PBX3: variants seen among roughly 807,000 people sequenced by gnomAD.
The protein encoded by PBX3 is pre-B-cell leukemia transcription factor 3.
Under a neutral mutation model 48.5 loss-of-function variants are expected in PBX3, and 14 were observed. That is an observed-to-expected ratio of 0.29 (90% CI 0.19 to 0.45). The LOEUF is 0.45. Ranked by LOEUF, PBX3 falls within the 20% of genes least tolerant of loss-of-function variation. The pLI, the probability that PBX3 is intolerant of heterozygous loss-of-function variation, is 1.00. For synonymous variants in PBX3, 210 were observed against 200.3 expected (o/e 1.05, Z -0.41); for missense variants, 386 against 546.7 (o/e 0.71, Z 2.93).
At chr9:125,866,346 A>G (rs558251625) in intron 2 of PBX3, among the ~76,000 whole-genome samples, 3 of 152,254 alleles carry the variant, frequency 2.0e-5, no homozygotes, top group Non-Finnish European at 4.4e-5. Context: ...TAGTTATTTT[A>G]TACTTTTATG....
intron 2 of PBX3, among the ~76,000 whole-genome samples, chr9:125,839,244 C>A (rs1164319675): frequency 1.3e-5 from 2 of 152,164 alleles, no homozygotes; most frequent in Admixed American, 6.5e-5. Flanking sequence ...AGAAGATACT[C>A]AATAGATATG....
chr9:125,798,624 G>T (rs557669581), intron 2 of PBX3, among the ~76,000 whole-genome samples: 1 of 152,238 alleles, frequency 6.6e-6, no homozygotes, highest in South Asian at 2.1e-4. Context: ...GTGGGTGATA[G>T]AGGTAATTAA....
At chr9:125,924,295 G>A (rs1564175431) in intron 3 of PBX3, among the ~76,000 whole-genome samples, 1 of 152,182 alleles carries the variant, frequency 6.6e-6, no homozygotes, top group Non-Finnish European at 1.5e-5. Flanking sequence ...AACTCACTAT[G>A]GGCTTGACAG....
chr9:125,913,284 A>C (rs889547404), intron 2 of PBX3, among the ~76,000 whole-genome samples: 1 of 152,142 alleles, frequency 6.6e-6, no homozygotes, highest in East Asian at 1.9e-4. Context: ...GCATTAAAAC[A>C]TATTTTCCTG....
chr9:125,786,559 G>C (rs1035795701), intron 2 of PBX3, among the ~76,000 whole-genome samples: 2 of 152,156 alleles, frequency 1.3e-5, no homozygotes, highest in Non-Finnish European at 1.5e-5. Flanking sequence ...GTTGTGGGAG[G>C]ACCTGTGGAG....
intron 2 of PBX3, among the ~76,000 whole-genome samples, chr9:125,797,240 T>G (rs1328949824): frequency 1.3e-5 from 2 of 152,152 alleles, no homozygotes; most frequent in African/African-American, 2.4e-5. Flanking sequence ...ATATTTAGAA[T>G]GAAAAGTATT....
At chr9:125,812,397 T>G (rs10986941) in intron 2 of PBX3, among the ~76,000 whole-genome samples, 9,092 of 152,276 alleles carry the variant, frequency 0.06, 627 homozygotes, top group East Asian at 0.17. Context: ...TTTTTAACAG[T>G]CGTTAGATAT....
chr9:125,933,072 AAAT>A (rs1389155538), intron 4 of PBX3, among the ~76,000 whole-genome samples: 1 of 152,252 alleles, frequency 6.6e-6, no homozygotes, highest in Non-Finnish European at 1.5e-5. Context: ...TCTAAAAAAT[AAAT>A]AACGTATAAG....
chr9:125,855,116 T>C (rs1287786398), intron 2 of PBX3, among the ~76,000 whole-genome samples: 1 of 152,222 alleles, frequency 6.6e-6, no homozygotes, highest in African/African-American at 2.4e-5. Flanking sequence ...CAATGGTTGA[T>C]TCACTTCAGC....
intron 2 of PBX3, among the ~76,000 whole-genome samples, chr9:125,855,989 C>T (rs1839710425): frequency 6.6e-6 from 1 of 151,692 alleles, no homozygotes; most frequent in South Asian, 2.1e-4. Context: ...AAAAAATTTA[C>T]AACATAATAT....
At chr9:125,871,883 G>C (rs1222174529) in intron 2 of PBX3, among the ~76,000 whole-genome samples, 1 of 152,118 alleles carries the variant, frequency 6.6e-6, no homozygotes, top group African/African-American at 2.4e-5. Flanking sequence ...GGTGCTTCTA[G>C]GAAGGTGACA....
intron 2 of PBX3, among the ~76,000 whole-genome samples, chr9:125,867,944 T>G (rs1419421044): frequency 1.3e-5 from 2 of 152,126 alleles, no homozygotes; most frequent in Non-Finnish European, 2.9e-5. Flanking sequence ...GACACAGTCA[T>G]GATTCACTGC....
chr9:125,764,231 C>G (rs1411240121), intron 2 of PBX3, among the ~76,000 whole-genome samples: 1 of 152,200 alleles, frequency 6.6e-6, no homozygotes, highest in African/African-American at 2.4e-5. Context: ...AAGGTACTTG[C>G]ACTTGTCAGC....
At chr9:125,765,599 C>G (rs1325246570) in intron 2 of PBX3, among the ~76,000 whole-genome samples, 2 of 152,054 alleles carry the variant, frequency 1.3e-5, no homozygotes. Context: ...TTCTTCTTTA[C>G]TTAAAAATAT....
chr9:125,780,474 C>G (rs1837240372), intron 2 of PBX3, among the ~76,000 whole-genome samples: 2 of 134,486 alleles, frequency 1.5e-5, no homozygotes, highest in Non-Finnish European at 3.2e-5. Context: ...GCTGACCCCC[C>G]CCACCTCCCT....
At chr9:125,830,324 A>C (rs760990251) in intron 2 of PBX3, among the ~76,000 whole-genome samples, 4 of 152,160 alleles carry the variant, frequency 2.6e-5, no homozygotes, top group Non-Finnish European at 5.9e-5. Context: ...TAGAACTATG[A>C]AGAATTATAG....
intron 2 of PBX3, among the ~76,000 whole-genome samples, chr9:125,846,942 G>A (rs1003730300): frequency 6.6e-6 from 1 of 151,248 alleles, no homozygotes; most frequent in African/African-American, 2.4e-5. Context: ...TGAAAAAATT[G>A]GGTTGCTTGT....
chr9:125,795,080 T>A (rs138150118), intron 2 of PBX3, among the ~76,000 whole-genome samples: 2 of 152,376 alleles, frequency 1.3e-5, no homozygotes, highest in African/African-American at 4.8e-5. Context: ...TAATACTACT[T>A]CTGTTGCCAT....
In PBX3 at chr9:125,900,232, C is replaced by T. The variant is rs567208117; in HGVS notation, c.275-15454C>T. Among the ~76,000 whole-genome samples the T allele has an allele frequency of 2.1e-3, 94 of 45,678 alleles. 2 individuals carry two copies. The East Asian group carries it at 0.048, about 23-fold the overall frequency. The allele number at this position is 45,678 out of a possible 152,430, so 30.0% of individuals were successfully genotyped here. A position where few individuals can be genotyped will look rare whatever the true frequency, so the allele number is the denominator to read the frequency against. On this transcript the variant is annotated intron_variant, in intron 2 of 8. Transcript: ENST00000373489. ...CTTAAACACCCCTCCCCCCACATCC[C>T]GCCCTTTTTTTTTTTTTTTTAACAC...
Sources: gnomAD v4.1 joint callset for allele counts (sites outside exome capture counted in the v4.1 genomes callset) on GRCh38, gnomAD v4.1.1 for gene constraint, MANE v1.5 for transcripts, NCBI Gene and HGNC (gene_info 2026-07-23, HGNC 2026-07-21) for gene names.